CFAP221: variants seen among roughly 807,000 people sequenced by gnomAD.
CFAP221 encodes the protein cilia- and flagella-associated protein 221.
In CFAP221, 97 loss-of-function variants were observed where a neutral mutation model predicts 113.1. That is an observed-to-expected ratio of 0.86 (90% CI 0.73 to 1.02). The LOEUF (loss-of-function observed/expected upper bound fraction) is 1.02, where lower values mean the gene tolerates loss of function less well. CFAP221 is among the 50% of genes least tolerant of loss of function. The probability of loss-of-function intolerance (pLI) is 0.00; values close to 1 mark genes in which losing one functional copy is unlikely to be tolerated. For missense variants in CFAP221, 1,025 were observed against 1,013.4 expected, an observed-to-expected ratio of 1.01 and a Z score of -0.16; for synonymous variants, 331 against 354.4, an observed-to-expected ratio of 0.93 and a Z score of 0.74.
At chr2:119,630,040 GT>G (rs1686657649) in intron 17 of CFAP221, 85 bp downstream of exon 17, 2 of 1,262,536 alleles carry the variant, frequency 1.6e-6, no homozygotes. Flanking sequence ...GTGTTTTATA[GT>G]TTTGCTTTAT....
rs1465482143 is a variant in CFAP221, at chr2:119,638,537, G to C, written c.2133+120G>C. 1.2e-5 allele frequency: 15 copies of C among 1,294,500 alleles called. No individual in the cohort carries two copies. In the South Asian group the frequency reaches 1.6e-4, roughly 14 times the overall value. 80.2% of individuals were successfully genotyped at this position (1,294,500 alleles called of 1,614,324 possible). A position where few individuals can be genotyped will look rare whatever the true frequency, so the allele number is the denominator to read the frequency against. ...GTTTGCCGCCACAGCTGCAGAACAA[G>C]AATGGTAACACCGCCCCTCATACCG... On this transcript the variant is annotated intron_variant, in intron 20 of 23. Coordinates refer to ENST00000413369, the MANE Select transcript of CFAP221 (RefSeq NM_001271049.2).
chr2:119,613,682 C>G (rs1216854742), intron 13 of CFAP221, among the ~76,000 whole-genome samples: 1 of 152,212 alleles, frequency 6.6e-6, no homozygotes, highest in Non-Finnish European at 1.5e-5. Flanking sequence ...ACCATTTTTC[C>G]CTCCTAGGTC....
In CFAP221 at chr2:119,619,454, A is replaced by T. The variant is rs1160292024; in HGVS notation, c.1410+3745A>T. Among the ~76,000 whole-genome samples, 3 of 152,176 alleles carry T rather than the reference A, an allele frequency of 2.0e-5. 1 individual carries two copies. In the East Asian group the frequency reaches 5.8e-4, roughly 29 times the overall value. Reference sequence around the variant, plus strand: ...TGATACCCAGGCAAATAGGGTCTGGAGTAGACCTCCAGCAAACTCCAGCAG... The same window carrying T: ...TGATACCCAGGCAAATAGGGTCTGGTGTAGACCTCCAGCAAACTCCAGCAG... On this transcript the variant is annotated intron_variant, in intron 14 of 23. Transcript: ENST00000413369.
intron 7 of CFAP221, among the ~76,000 whole-genome samples, chr2:119,600,700 T>A (rs749762447): frequency 1.3e-5 from 2 of 152,188 alleles, no homozygotes; most frequent in African/African-American, 4.8e-5. Flanking sequence ...GATTTGAATT[T>A]CATGAGCCCA....
At chr2:119,546,601 C>A (rs1180583677) in intron 2 of CFAP221, among the ~76,000 whole-genome samples, 2 of 152,108 alleles carry the variant, frequency 1.3e-5, no homozygotes, top group East Asian at 3.9e-4. Flanking sequence ...TTTCTAAAAT[C>A]CTGGCTGGCT....
At chr2:119,586,923 C>T (rs1277219201) in intron 6 of CFAP221, 196 bp from the exon 7 acceptor site, 5 of 422,880 alleles carry the variant, frequency 1.2e-5, no homozygotes, top group East Asian at 3.8e-5. Flanking sequence ...GGGATAATCA[C>T]GGCACCACCT....
At chr2:119,574,656 G>C (rs2104579438) in intron 6 of CFAP221, among the ~76,000 whole-genome samples, 1 of 152,166 alleles carries the variant, frequency 6.6e-6, no homozygotes, top group African/African-American at 2.4e-5. Flanking sequence ...TTTGGCCACT[G>C]CTTCTGCTGC....
rs75129197 is a variant in CFAP221 at position 119,556,403 on chromosome 2, A to T, written c.241-3286A>T. Among the ~76,000 whole-genome samples the T allele has an allele frequency of 1.9e-3, 287 of 152,242 alleles. 4 individuals carry two copies. The East Asian group carries it at 0.037, about 20-fold the overall frequency. ...TCTGTTGTTTCTTATTTCTCTGTTG[A>T]TCCAAATGAACAATTCCAGTTCAAG... On this transcript the variant is annotated intron_variant, in intron 3 of 23. Coordinates refer to ENST00000413369, the MANE Select transcript of CFAP221 (RefSeq NM_001271049.2).
intron 6 of CFAP221, among the ~76,000 whole-genome samples, chr2:119,569,525 GT>G (rs1448437942): frequency 2.0e-5 from 3 of 151,900 alleles, no homozygotes; most frequent in Non-Finnish European, 4.4e-5. Flanking sequence ...ATCCTCAGTG[GT>G]TTGATGTCTG....
intron 23 of CFAP221, 31 bp from the exon 24 acceptor site, chr2:119,656,331 A>C: frequency 6.3e-7 from 1 of 1,585,934 alleles, no homozygotes; most frequent in Non-Finnish European, 8.7e-7. Flanking sequence ...AAGTGTCCTC[A>C]TGTTTCCTTC....
At chr2:119,660,217 G>C (rs1461572474), downstream of CFAP221, 2 of 152,188 alleles carry the variant, frequency 1.3e-5, no homozygotes, top group African/African-American at 4.8e-5. Flanking sequence ...ACTGTGTTGG[G>C]GATCTGGTGC....
rs375494260 is a variant in CFAP221, at chr2:119,646,978, T to C, written c.2246T>C (p.Phe749Ser). The part of the protein sequence containing the change: ...TTKSCDSFNS[F>S]MLPIDVPAIL... ...CACAGCTGCGATTCCTTCAATTCAT[T>C]TATGCTTCCGATAGACGTCCCTGCC... The change falls in exon 22 of 24, where the codon TTT (phenylalanine) becomes TCT (serine). Residue 749 changes from phenylalanine (F) to serine (S), a missense_variant. By Grantham distance (155) the Phe-to-Ser change is radical. Transcript: ENST00000413369. 1.2e-6 allele frequency: 2 copies of C among 1,613,838 alleles called. No homozygotes were observed. Among genetic ancestry groups the C allele is most frequent in the Non-Finnish European group, 1.7e-6 (2 of 1,179,900 alleles).
intron 3 of CFAP221, 52 bp from the exon 4 acceptor site, chr2:119,559,637 G>A (rs2104534782): frequency 1.5e-6 from 2 of 1,376,468 alleles, no homozygotes; most frequent in Admixed American, 2.0e-5. Flanking sequence ...AATGAGGTGA[G>A]TATGCAAATA....
At chr2:119,562,568 A>C (rs1449412110) in intron 6 of CFAP221, among the ~76,000 whole-genome samples, 2 of 152,170 alleles carry the variant, frequency 1.3e-5, no homozygotes, top group Admixed American at 6.5e-5. Context: ...CCCAGGACTG[A>C]GGCTTATCAG....
chr2:119,574,266 G>A (rs906067439), intron 6 of CFAP221, among the ~76,000 whole-genome samples: 4 of 152,084 alleles, frequency 2.6e-5, no homozygotes, highest in African/African-American at 9.7e-5. Context: ...GGTTACAGGT[G>A]GAACCTTTTT....
At position 119,634,400 on chromosome 2, in the gene CFAP221, G is replaced by A. The variant is rs142264029; in HGVS notation, c.1974+3499G>A. Among the ~76,000 whole-genome samples, 5 of 152,144 alleles carry A rather than the reference G, an allele frequency of 3.3e-5. No individual in the cohort carries two copies. In the South Asian group the frequency reaches 6.2e-4, roughly 19 times the overall value. ...GAGGATCATTCGAGCCCAGGAGGTCGAGGTTGCAGTGAGCCATGATGGCAC... is the reference window on the plus strand; with the variant it reads ...GAGGATCATTCGAGCCCAGGAGGTCAAGGTTGCAGTGAGCCATGATGGCAC... On this transcript the variant is annotated intron_variant, in intron 19 of 23. Coordinates refer to ENST00000413369, the MANE Select transcript of CFAP221 (RefSeq NM_001271049.2).
chr2:119,562,042 A>G lies in CFAP221; in HGVS notation c.455A>G (p.His152Arg). Reference protein sequence around the residue: ...KGDDTLLVPIHAYPVMNSLDF... With the variant: ...KGDDTLLVPIRAYPVMNSLDF... ...GATGACACTTTGCTTGTTCCTATTCATGCCTATCCAGTCATGAACTCACTA... is the reference window on the plus strand; with the variant it reads ...GATGACACTTTGCTTGTTCCTATTCGTGCCTATCCAGTCATGAACTCACTA... The change falls in exon 6 of 24, where the codon CAT becomes CGT. Residue 152 changes from histidine (H) to arginine (R), a missense_variant. By Grantham distance (29) the His-to-Arg change is conservative. Transcript: ENST00000413369. 6.5e-7 allele frequency: 1 copy of G among 1,535,252 alleles called. No homozygotes were observed.
chr2:119,608,165 G>C (rs1010536733), intron 11 of CFAP221, among the ~76,000 whole-genome samples: 1 of 152,038 alleles, frequency 6.6e-6, no homozygotes. Context: ...AGCAATACCC[G>C]TTATTTTCCA....
At chr2:119,547,964 T>G (rs185476354) in intron 2 of CFAP221, among the ~76,000 whole-genome samples, 1 of 152,218 alleles carries the variant, frequency 6.6e-6, no homozygotes, top group African/African-American at 2.4e-5. Flanking sequence ...TTTTTTTGTT[T>G]GTTTGTTTTT....
Sources: gnomAD v4.1 joint callset for allele counts (sites outside exome capture counted in the v4.1 genomes callset) on GRCh38, gnomAD v4.1.1 for gene constraint, MANE v1.5 for transcripts, NCBI Gene and HGNC (gene_info 2026-07-23, HGNC 2026-07-21) for gene names.